Variants in SMARCA4 observed in about 807,000 individuals in gnomAD.
SMARCA4 encodes SWI/SNF-related matrix-associated actin-dependent regulator of chromatin subfamily A member 4.
A neutral mutation model predicts 193.9 loss-of-function variants in SMARCA4; 31 were observed. The ratio of observed to expected loss-of-function variants is 0.16; its 90% CI spans 0.12 to 0.22. The LOEUF is 0.22. Among genes scored for constraint, SMARCA4 ranks in the 10% least tolerant of loss-of-function variants. The pLI, the probability that SMARCA4 is intolerant of heterozygous loss-of-function variation, is 1.00. For missense variants in SMARCA4, 1,148 were observed against 2,296.0 expected, an observed-to-expected ratio of 0.50 and a Z score of 10.22; for synonymous variants, 942 against 933.1, an observed-to-expected ratio of 1.01 and a Z score of -0.17.
chr19:11,035,827 C>T (rs2075238534), intron 29 of SMARCA4, among the ~76,000 whole-genome samples: 1 of 152,264 alleles, frequency 6.6e-6, no homozygotes, highest in South Asian at 2.1e-4. Flanking sequence ...CACTGATGTC[C>T]TCACTGGGGT....
chr19:10,989,285 T>C (rs964791419), intron 6 of SMARCA4, 32 bp from the exon 7 acceptor site: 11 of 1,613,242 alleles, frequency 6.8e-6, no homozygotes, highest in Non-Finnish European at 9.3e-6. Flanking sequence ...GGCAACCCTC[T>C]CACCGCCTTT....
Position 11,040,698 on chromosome 19 carries a change from C to CTTGAGACCAGGAGT in SMARCA4, c.4171-607_4171-594dup, listed in dbSNP as rs1418422368. On this transcript the variant is annotated intron_variant, in intron 29 of 34. Transcript: ENST00000344626. The stretch of plus-strand genomic sequence containing the variant: ...TTGGGAGGCTAAGATGGGAGCACTG[C>CTTGAGACCAGGAGT]TTGAGACCAGGAGTTCAAGACCAGC... 4 of 152,256 alleles carry CTTGAGACCAGGAGT rather than the reference C, an allele frequency of 2.6e-5. No homozygotes were observed. In the East Asian group the frequency reaches 7.7e-4, roughly 29 times the overall value. The allele number at this position is 152,256 out of a possible 1,614,324, so 9.4% of individuals were successfully genotyped here.
At chr19:10,989,237 ATGGGTCCCCTGCAGCTCCAGCTGTAAC>A in intron 6 of SMARCA4, 53 bp from the exon 7 acceptor site, 1 of 1,568,272 alleles carries the variant, frequency 6.4e-7, no homozygotes, top group Non-Finnish European at 8.8e-7. Context: ...CTCTCGAGGG[ATGGGTCCCCTGCAGCTCCAGCTGTAAC>A]TGGGTGCCCT....
At chr19:10,976,336 A>G (rs2085123129) in intron 1 of SMARCA4, among the ~76,000 whole-genome samples, 1 of 152,112 alleles carries the variant, frequency 6.6e-6, no homozygotes, top group African/African-American at 2.4e-5. Flanking sequence ...TCCAGCTTCT[A>G]CAGGGCTGGC....
Position 10,985,538 on chromosome 19 carries a change from A to C in SMARCA4, c.355+133A>C. On this transcript the variant is annotated intron_variant, in intron 3 of 34. Transcript: ENST00000344626. This position sits in a 1 kb window ranked among gnomAD's most constrained non-coding sequence, Gnocchi z 4.5. ...GATGTAGCCGGGTGGGTGGCCCGCC[A>C]CAGAGAGCTGTCTGGCATGGCGTGG... 1 of 1,104,456 alleles carries C rather than the reference A, an allele frequency of 9.1e-7. No homozygotes were observed. Among genetic ancestry groups the C allele is most frequent in the South Asian group, 1.3e-5 (1 of 74,244 alleles). The allele number at this position is 1,104,456 out of a possible 1,614,324, so 68.4% of individuals were successfully genotyped here. A position where few individuals can be genotyped will look rare whatever the true frequency, so the allele number is the denominator to read the frequency against.
In SMARCA4 at chr19:11,041,129, A is replaced by T. The variant is rs1182687820; in HGVS notation, c.4171-178A>T. 20 of 657,018 alleles carry T rather than the reference A, an allele frequency of 3.0e-5. No homozygotes were observed. Among genetic ancestry groups the T allele is most frequent in the Middle Eastern group, 4.2e-4 (1 of 2,368 alleles). The allele number at this position is 657,018 out of a possible 1,614,324, so 40.7% of individuals were successfully genotyped here. A position where few individuals can be genotyped will look rare whatever the true frequency, so the allele number is the denominator to read the frequency against. On this transcript the variant is annotated intron_variant, in intron 29 of 34. Coordinates refer to ENST00000344626, the MANE Select transcript of SMARCA4 (RefSeq NM_003072.5). The surrounding 1 kb of genome is among the most constrained non-coding windows in gnomAD (Gnocchi z 5.6). Reference sequence around the variant, plus strand: ...GGGGGCAGTGCTGGTCTTTCACTGCAGCCCAGGCACCCCTTGAGAGTCCCA... The same window carrying T: ...GGGGGCAGTGCTGGTCTTTCACTGCTGCCCAGGCACCCCTTGAGAGTCCCA...
At chr19:11,060,890 C>T (rs923671379) in intron 34 of SMARCA4, among the ~76,000 whole-genome samples, 1 of 152,158 alleles carries the variant, frequency 6.6e-6, no homozygotes, top group African/African-American at 2.4e-5. Context: ...GAAAGACGCA[C>T]GTGACGTTTG....
intron 29 of SMARCA4, chr19:11,039,394 G>A: frequency 1.1e-6 from 1 of 880,676 alleles, no homozygotes; most frequent in Non-Finnish European, 1.8e-6. Context: ...AGAACAAGGG[G>A]AGGCTAAATT....
chr19:11,051,487 T>C (rs373565745), intron 30 of SMARCA4, among the ~76,000 whole-genome samples: 40 of 149,564 alleles, frequency 2.7e-4, no homozygotes, highest in Non-Finnish European at 4.1e-4. Context: ...TGGGGACATA[T>C]TTCCTTTTTT....
chr19:11,061,188 T>A (rs1378795282), intron 34 of SMARCA4, among the ~76,000 whole-genome samples: 1 of 68,878 alleles, frequency 1.5e-5, no homozygotes, highest in African/African-American at 8.3e-5. Context: ...ACCCTGTCTT[T>A]AAAAAAAAAA....
intron 24 of SMARCA4, among the ~76,000 whole-genome samples, chr19:11,029,078 T>C (rs2090460483): frequency 6.6e-6 from 1 of 152,192 alleles, no homozygotes; most frequent in African/African-American, 2.4e-5. Flanking sequence ...CCAGGACCAC[T>C]CTACAGACAC....
At chr19:10,976,982 A>G (rs1389760368) in intron 1 of SMARCA4, among the ~76,000 whole-genome samples, 1 of 151,972 alleles carries the variant, frequency 6.6e-6, no homozygotes, top group Non-Finnish European at 1.5e-5. Flanking sequence ...GCTTGAACCT[A>G]GGAGGCGGAG....
In SMARCA4 at chr19:11,058,837, A is replaced by G. The variant is rs753177444; in HGVS notation, c.4583A>G (p.Asp1528Gly). Residue 1528 changes from aspartate to glycine, a missense_variant, in exon 32 of 35, where the codon GAC becomes GGC. By Grantham distance (94) the Asp-to-Gly change is moderately conservative. Transcript: ENST00000344626. The surrounding 1 kb of genome is among the most constrained non-coding windows in gnomAD (Gnocchi z 5.8). ...KYRSLNDLEKDVMLLCQNAQT... is the reference protein window; with the variant it reads ...KYRSLNDLEKGVMLLCQNAQT... Reference sequence around the variant, plus strand: ...CGCAGCCTCAACGACCTAGAGAAGGACGTCATGCTCCTGTGCCAGAACGCA... The same window carrying G: ...CGCAGCCTCAACGACCTAGAGAAGGGCGTCATGCTCCTGTGCCAGAACGCA... 1 of 1,614,112 alleles carries G rather than the reference A, an allele frequency of 6.2e-7. No homozygotes were observed. Among genetic ancestry groups the G allele is most frequent in the Non-Finnish European group, 8.5e-7 (1 of 1,179,994 alleles).
Position 11,033,263 on chromosome 19 carries a change from G to A in SMARCA4, c.3547-27G>A, listed in dbSNP as rs761729911. On this transcript the variant is annotated intron_variant, in intron 25 of 34. Coordinates refer to ENST00000344626, the MANE Select transcript of SMARCA4 (RefSeq NM_003072.5). The surrounding 1 kb of genome is among the most constrained non-coding windows in gnomAD (Gnocchi z 9.8). ...CTTTTATGACCTCCTGGGCTCCTTTGGGACTGACTGGCACCTCTTCCCCCA... is the reference window on the plus strand; with the variant it reads ...CTTTTATGACCTCCTGGGCTCCTTTAGGACTGACTGGCACCTCTTCCCCCA... 2.1e-5 allele frequency: 34 copies of A among 1,584,970 alleles called. No individual in the cohort carries two copies. In the African/African-American group the frequency reaches 3.1e-4, roughly 14 times the overall value.
intron 30 of SMARCA4, among the ~76,000 whole-genome samples, chr19:11,048,040 C>T (rs1008479067): frequency 1.3e-5 from 2 of 152,150 alleles, no homozygotes; most frequent in East Asian, 1.9e-4. Context: ...GAAGCTTCCT[C>T]GCCACCGACT....
intron 16 of SMARCA4, among the ~76,000 whole-genome samples, chr19:11,013,679 A>G (rs558148670): frequency 6.6e-6 from 1 of 152,212 alleles, no homozygotes; most frequent in African/African-American, 2.4e-5. Flanking sequence ...AAGTCCATGC[A>G]GGGGAGTCGC....
chr19:10,989,283 T>A (rs2145844917), intron 6 of SMARCA4, 34 bp from the exon 7 acceptor site: 2 of 1,613,186 alleles, frequency 1.2e-6, no homozygotes, highest in Non-Finnish European at 1.7e-6. Flanking sequence ...CTGGCAACCC[T>A]CTCACCGCCT....
intron 30 of SMARCA4, among the ~76,000 whole-genome samples, chr19:11,046,646 G>A (rs1181022922): frequency 6.6e-6 from 1 of 152,144 alleles, no homozygotes; most frequent in Non-Finnish European, 1.5e-5. Context: ...ATCAACTCAG[G>A]AAAGATAGTC....
chr19:11,040,887 C>G (rs2075565652), intron 29 of SMARCA4: 1 of 165,790 alleles, frequency 6.0e-6, no homozygotes, highest in South Asian at 1.5e-4. Context: ...CCACTGCACT[C>G]CAGCCTGGGC....
Sources: allele counts gnomAD v4.1 joint callset (sites outside exome capture counted in the v4.1 genomes callset), GRCh38; gene constraint gnomAD v4.1.1; non-coding constraint Gnocchi (gnomAD v3.1); transcripts MANE v1.5; gene names NCBI Gene and HGNC (gene_info 2026-07-23, HGNC 2026-07-21).